Variants in HS6ST3 observed in about 807,000 individuals in gnomAD.
The protein encoded by HS6ST3 is heparan-sulfate 6-O-sulfotransferase 3.
In HS6ST3, 12 loss-of-function variants were observed where a neutral mutation model predicts 36.7. The observed-to-expected ratio is 0.33, with a 90% CI of 0.21 to 0.53. The LOEUF is 0.53. Ranked by LOEUF, HS6ST3 falls within the 20% of genes least tolerant of loss-of-function variation. The pLI is 0.95. For missense variants in HS6ST3, 584 were observed against 640.9 expected (o/e 0.91, Z 0.96); for synonymous variants, 240 against 257.5 (o/e 0.93, Z 0.65).
chr13:96,523,484 T>C (rs1180889002), intron 1 of HS6ST3, among the ~76,000 whole-genome samples: 2 of 152,208 alleles, frequency 1.3e-5, no homozygotes, highest in South Asian at 2.1e-4. Context: ...CCATTCTTCC[T>C]GTCACTTTCA....
chr13:96,551,219 C>G (rs7319560), intron 1 of HS6ST3, among the ~76,000 whole-genome samples: 14,538 of 152,136 alleles, frequency 0.096, 1,318 homozygotes, highest in African/African-American at 0.24. Flanking sequence ...AATATTCTTT[C>G]TCCATGCTTT....
chr13:96,402,882 A>G (rs574580801), intron 1 of HS6ST3, among the ~76,000 whole-genome samples: 1 of 152,338 alleles, frequency 6.6e-6, no homozygotes, highest in African/African-American at 2.4e-5. Context: ...ATATTTTTAT[A>G]TACACCATTT....
chr13:96,378,598 G>A (rs955547547), intron 1 of HS6ST3, among the ~76,000 whole-genome samples: 1 of 152,030 alleles, frequency 6.6e-6, no homozygotes, highest in East Asian at 1.9e-4. Flanking sequence ...TTTATTGAAC[G>A]ACTGAGTGGG....
At chr13:96,333,049 C>G (rs1044425142) in intron 1 of HS6ST3, among the ~76,000 whole-genome samples, 1 of 152,206 alleles carries the variant, frequency 6.6e-6, no homozygotes, top group Non-Finnish European at 1.5e-5. Flanking sequence ...ACTTCTCAGC[C>G]TCTAAAACTG....
chr13:96,771,944 G>T (rs1877276616), intron 1 of HS6ST3, among the ~76,000 whole-genome samples: 1 of 152,170 alleles, frequency 6.6e-6, no homozygotes, highest in Non-Finnish European at 1.5e-5. Flanking sequence ...GGTTGATGTG[G>T]TATAATCATG....
At chr13:96,539,985 T>C (rs1286173424) in intron 1 of HS6ST3, among the ~76,000 whole-genome samples, 1 of 152,236 alleles carries the variant, frequency 6.6e-6, no homozygotes, top group Non-Finnish European at 1.5e-5. Context: ...AGAGTCTTCC[T>C]GATGAGTGAC....
At chr13:96,400,365 C>T (rs2139456913) in intron 1 of HS6ST3, among the ~76,000 whole-genome samples, 1 of 151,864 alleles carries the variant, frequency 6.6e-6, no homozygotes, top group East Asian at 1.9e-4. Context: ...CCTGAATAGG[C>T]TGGGAATTCC....
chr13:96,625,943 C>T (rs2056510736), intron 1 of HS6ST3, among the ~76,000 whole-genome samples: 1 of 151,910 alleles, frequency 6.6e-6, no homozygotes, highest in Non-Finnish European at 1.5e-5. Flanking sequence ...CAGGTTCACG[C>T]CATTCTCCTG....
intron 1 of HS6ST3, among the ~76,000 whole-genome samples, chr13:96,252,949 C>A (rs1170907586): frequency 1.3e-5 from 2 of 152,110 alleles, no homozygotes; most frequent in Non-Finnish European, 2.9e-5. Context: ...GCTAATTAAA[C>A]CTCTTTTCTT....
chr13:96,685,118 C>G (rs1056843077), intron 1 of HS6ST3, among the ~76,000 whole-genome samples: 2 of 152,074 alleles, frequency 1.3e-5, no homozygotes, highest in Non-Finnish European at 2.9e-5. Context: ...TGACAGTCTT[C>G]TATTTTTAAC....
chr13:96,716,084 A>G (rs902649693), intron 1 of HS6ST3, among the ~76,000 whole-genome samples: 34 of 152,128 alleles, frequency 2.2e-4, no homozygotes, highest in African/African-American at 8.2e-4. Flanking sequence ...TTTAAAACAC[A>G]TTCAAGCAGC....
chr13:96,668,160 T>TCA (rs888437221), intron 1 of HS6ST3, among the ~76,000 whole-genome samples: 1 of 151,892 alleles, frequency 6.6e-6, no homozygotes, highest in Non-Finnish European at 1.5e-5. Flanking sequence ...TCTCTCTCTC[T>TCA]CACACACGCA....
intron 1 of HS6ST3, among the ~76,000 whole-genome samples, chr13:96,759,182 T>G (rs1876906825): frequency 6.6e-6 from 1 of 151,926 alleles, no homozygotes; most frequent in Admixed American, 6.6e-5. Context: ...CGACTTATAC[T>G]TATTAAATTT....
At chr13:96,720,630 G>A (rs1472952235) in intron 1 of HS6ST3, among the ~76,000 whole-genome samples, 2 of 152,144 alleles carry the variant, frequency 1.3e-5, no homozygotes, top group African/African-American at 4.8e-5. Context: ...AACGCATTTT[G>A]TTGCTATTTC....
intron 1 of HS6ST3, among the ~76,000 whole-genome samples, chr13:96,157,634 A>G (rs2081932362): frequency 1.3e-5 from 2 of 152,244 alleles, no homozygotes; most frequent in African/African-American, 4.8e-5. Context: ...TGTTCAGTGC[A>G]GGTAACTTTC....
At chr13:96,548,594 A>T (rs759009785) in intron 1 of HS6ST3, among the ~76,000 whole-genome samples, 63 of 152,184 alleles carry the variant, frequency 4.1e-4, no homozygotes, top group Non-Finnish European at 8.4e-4. Context: ...CTATCTATGT[A>T]TCTGTCTACC....
At chr13:96,803,156 C>T (rs1878121251) in intron 1 of HS6ST3, among the ~76,000 whole-genome samples, 2 of 151,114 alleles carry the variant, frequency 1.3e-5, no homozygotes, top group African/African-American at 4.8e-5. Flanking sequence ...ACCTCATTCC[C>T]CCAGTGGAGG....
chr13:96,244,448 A>G (rs763514516), intron 1 of HS6ST3, among the ~76,000 whole-genome samples: 3 of 152,170 alleles, frequency 2.0e-5, no homozygotes, highest in Non-Finnish European at 4.4e-5. Context: ...TGTAATTATG[A>G]CCACTATATT....
At chr13:96,489,150 G>A (rs957946526) in intron 1 of HS6ST3, among the ~76,000 whole-genome samples, 4 of 151,798 alleles carry the variant, frequency 2.6e-5, no homozygotes, top group Admixed American at 6.6e-5. Context: ...AAAAGAAATA[G>A]CATTTCTTGC....
Sources: allele counts gnomAD v4.1 joint callset (sites outside exome capture counted in the v4.1 genomes callset), GRCh38; gene constraint gnomAD v4.1.1; transcripts MANE v1.5; gene names NCBI Gene and HGNC (gene_info 2026-07-23, HGNC 2026-07-21).